The following RUBCNL variants were observed in gnomAD, a reference collection of about 807,000 sequenced individuals.
RUBCNL encodes rubicon like autophagy enhancer, also known as protein associated with UVRAG as autophagy enhancer.
RUBCNL carries 62 observed loss-of-function variants against 69.5 expected under a neutral mutation model. That is an observed-to-expected ratio of 0.89 (90% confidence interval 0.73 to 1.10). The LOEUF (loss-of-function observed/expected upper bound fraction) is 1.10, where lower values mean the gene tolerates loss of function less well. RUBCNL is among the 50% of genes least tolerant of loss of function. The probability of loss-of-function intolerance (pLI) is 0.00; values close to 1 mark genes in which losing one functional copy is unlikely to be tolerated. For missense variants in RUBCNL, 768 were observed against 798.1 expected (o/e 0.96, Z 0.45); for synonymous variants, 291 against 303.6 (o/e 0.96, Z 0.43).
At chr13:46,378,163 T>C (rs930136668) in intron 1 of RUBCNL, among the ~76,000 whole-genome samples, 158 bp from the exon 2 acceptor site, 1 of 152,198 alleles carries the variant, frequency 6.6e-6, no homozygotes, top group African/African-American at 2.4e-5. Context: ...TTGGTAGCAC[T>C]GGGGTAACAG....
At chr13:46,371,808 A>G in intron 3 of RUBCNL, 133 bp downstream of exon 3, 4 of 881,464 alleles carry the variant, frequency 4.5e-6, no homozygotes, top group Non-Finnish European at 6.9e-6. Context: ...GACCGCCCAG[A>G]TGGCTGGGCT....
chr13:46,359,438 C>CA (rs1566074221), intron 9 of RUBCNL, 48 bp downstream of exon 9: 1 of 1,552,084 alleles, frequency 6.4e-7, no homozygotes, highest in Admixed American at 1.8e-5. Flanking sequence ...GGATCTGTCA[C>CA]AATGTGATTT....
chr13:46,336,513 C>T lies in RUBCNL; in HGVS notation c.*6872G>A, dbSNP rs1008872528. ...AATCCCACTATACAGAGATAATCACCACCACAATATGATGAAATTCATTAT... is the reference window on the plus strand; with the variant it reads ...AATCCCACTATACAGAGATAATCACTACCACAATATGATGAAATTCATTAT... On this transcript the variant is annotated 3_prime_UTR_variant, in exon 15 of 15. Transcript: ENST00000429979. 6.6e-6 allele frequency among the ~76,000 whole-genome samples: 1 copy of T among 151,986 alleles called. No individual in the cohort carries two copies. Among genetic ancestry groups the T allele is most frequent in the African/African-American group, 2.4e-5 (1 of 41,360 alleles).
chr13:46,334,742 T>C lies in RUBCNL; in HGVS notation c.*8643A>G, dbSNP rs2048092906. The stretch of plus-strand genomic sequence containing the variant: ...GTGATAGACAAGATGCTAAACATAC[T>C]TTTCATAACTTATATCATTTAATCT... On this transcript the variant is annotated 3_prime_UTR_variant, in exon 15 of 15. Transcript: ENST00000429979. 6.6e-6 allele frequency among the ~76,000 whole-genome samples: 1 copy of C among 152,176 alleles called. No homozygotes were observed. Among genetic ancestry groups the C allele is most frequent in the Non-Finnish European group, 1.5e-5 (1 of 68,038 alleles).
At position 46,338,555 on chromosome 13, in the gene RUBCNL, C is replaced by T. The variant is rs940403108; in HGVS notation, c.*4830G>A. 6.6e-6 allele frequency among the ~76,000 whole-genome samples: 1 copy of T among 152,124 alleles called. No individual in the cohort carries two copies. Among genetic ancestry groups the T allele is most frequent in the African/African-American group, 2.4e-5 (1 of 41,430 alleles). On this transcript the variant is annotated 3_prime_UTR_variant, in exon 15 of 15. Coordinates refer to ENST00000429979, the MANE Select transcript of RUBCNL (RefSeq NM_025113.5). Reference sequence around the variant, plus strand: ...AGGAGGGGTGGGGGCTTTGGGTGCGCTTGCCCTTTGTCTCCTCACCAATGG... The same window carrying T: ...AGGAGGGGTGGGGGCTTTGGGTGCGTTTGCCCTTTGTCTCCTCACCAATGG...
rs201057946 is a variant in RUBCNL, at chr13:46,350,144, T to C, written c.1538A>G (p.Tyr513Cys). The C allele has an allele frequency of 1.4e-4, 227 of 1,577,176 alleles. No homozygotes were observed. Among genetic ancestry groups the C allele is most frequent in the Non-Finnish European group, 1.8e-4 (211 of 1,160,702 alleles). The change falls in exon 11 of 15, where the codon TAT becomes TGT. Residue 513 changes from tyrosine (Y) to cysteine (C), a missense_variant. Physicochemically the swap from Tyr to Cys is radical, Grantham distance 194. Coordinates refer to ENST00000429979, the MANE Select transcript of RUBCNL (RefSeq NM_025113.5). Reference protein sequence around the residue: ...FNLLSIGQSLYAKAKELDRVK... With the variant: ...FNLLSIGQSLCAKAKELDRVK... ...TCTGTCCAGCTCCTTGGCTTTCGCATACAGGCTTTGGCCGATGCTCAGCAA... is the reference window on the plus strand; with the variant it reads ...TCTGTCCAGCTCCTTGGCTTTCGCACACAGGCTTTGGCCGATGCTCAGCAA...
At chr13:46,373,841 AT>A (rs2048932111) in intron 2 of RUBCNL, among the ~76,000 whole-genome samples, 1 of 152,232 alleles carries the variant, frequency 6.6e-6, no homozygotes, top group Non-Finnish European at 1.5e-5. Context: ...AGCAAATCTT[AT>A]TGCCTATTTG....
At chr13:46,348,262 T>C (rs2048292281) in intron 12 of RUBCNL, among the ~76,000 whole-genome samples, 1 of 152,158 alleles carries the variant, frequency 6.6e-6, no homozygotes. Flanking sequence ...TGCATGGTGG[T>C]GATGATTGCA....
At chr13:46,347,374 G>A (rs1259554809) in intron 12 of RUBCNL, among the ~76,000 whole-genome samples, 1 of 152,044 alleles carries the variant, frequency 6.6e-6, no homozygotes, top group Non-Finnish European at 1.5e-5. Flanking sequence ...ACCACTGCAC[G>A]CCAAACTGGG....
intron 2 of RUBCNL, among the ~76,000 whole-genome samples, chr13:46,376,681 C>T (rs1320698009): frequency 6.6e-6 from 1 of 152,202 alleles, no homozygotes; most frequent in Non-Finnish European, 1.5e-5. Context: ...GCTCATCACC[C>T]CAAGCCCCAC....
rs1297581618 is a variant in RUBCNL, at chr13:46,372,333, C to G, written c.143G>C (p.Arg48Thr). The change falls in exon 3 of 15, where the codon AGG becomes ACG. Residue 48 changes from arginine to threonine, a missense_variant. Coordinates refer to ENST00000429979, the MANE Select transcript of RUBCNL (RefSeq NM_025113.5). ...PPCQLDIRLM[R>T]HKAVWINPQD... ...GGGGTTAATCCAGACAGCTTTGTGC[C>G]TCATGAGCCTGATGTCTAATTGGCA... 1 of 1,613,982 alleles carries G rather than the reference C, an allele frequency of 6.2e-7. No individual in the cohort carries two copies. Among genetic ancestry groups the G allele is most frequent in the Non-Finnish European group, 8.5e-7 (1 of 1,179,900 alleles).
At chr13:46,368,846 G>A (rs1189734419) in intron 3 of RUBCNL, 31 bp from the exon 4 acceptor site, 4 of 1,522,062 alleles carry the variant, frequency 2.6e-6, no homozygotes, top group East Asian at 2.3e-5. Flanking sequence ...TAAAAATGGG[G>A]AAAAGGGAGT....
intron 12 of RUBCNL, 82 bp from the exon 13 acceptor site, chr13:46,345,682 G>A: frequency 2.2e-6 from 3 of 1,377,492 alleles, no homozygotes; most frequent in Admixed American, 2.5e-5. Context: ...GTTTTCTCTT[G>A]GCACTCACAC....
At chr13:46,388,038 C>T (rs185728070), upstream of RUBCNL, among the ~76,000 whole-genome samples, 14 of 152,024 alleles carry the variant, frequency 9.2e-5, no homozygotes, top group East Asian at 2.5e-3. Context: ...ATGGTGAAAG[C>T]CTGTCTCTAC....
rs1262910450 is a variant in RUBCNL at position 46,338,891 on chromosome 13, A to G, written c.*4494T>C. ...GAAACCCCGTCTCTACCAAAAACAG[A>G]AAAAAATTAGCTGGGCATGGTGGCA... is the stretch of plus-strand genomic sequence containing the variant. On this transcript the variant is annotated 3_prime_UTR_variant, in exon 15 of 15. Transcript: ENST00000429979. 6.6e-6 allele frequency among the ~76,000 whole-genome samples: 1 copy of G among 151,940 alleles called. No individual in the cohort carries two copies. Among genetic ancestry groups the G allele is most frequent in the East Asian group, 1.9e-4 (1 of 5,166 alleles).
intron 14 of RUBCNL, among the ~76,000 whole-genome samples, chr13:46,344,193 A>G (rs1471309255): frequency 6.6e-6 from 1 of 152,178 alleles, no homozygotes; most frequent in Admixed American, 6.5e-5. Context: ...GTGGCCTGAG[A>G]GGAGGATATG....
intron 1 of RUBCNL, among the ~76,000 whole-genome samples, chr13:46,386,153 T>G (rs145583082): frequency 1.3e-5 from 2 of 152,200 alleles, no homozygotes; most frequent in East Asian, 3.9e-4. Context: ...TTCAAAACAC[T>G]TCCCTCCCTC....
At chr13:46,388,304 A>AGG (rs1354113705), upstream of RUBCNL, among the ~76,000 whole-genome samples, 3 of 144,302 alleles carry the variant, frequency 2.1e-5, no homozygotes, top group African/African-American at 7.9e-5. Flanking sequence ...GGAGGGAGGG[A>AGG]AGAAGGAAGG....
chr13:46,335,257 GTTGTTT>G lies in RUBCNL; in HGVS notation c.*8122_*8127del, dbSNP rs2048097515. Among the ~76,000 whole-genome samples the G allele has an allele frequency of 2.0e-5, 2 of 98,606 alleles. No individual in the cohort carries two copies. The highest frequency in any genetic ancestry group is 5.3e-4 in the East Asian group (1 of 1,886). The allele number at this position is 98,606 out of a possible 152,430, so 64.7% of individuals were successfully genotyped here. ...TTTGTGTCTTTTTGTTGTTGTTGTTGTTGTTTTTTTTTTTTTTTTTTTTTTTTTAAG... is the reference window on the plus strand; with the variant it reads ...TTTGTGTCTTTTTGTTGTTGTTGTTGTTTTTTTTTTTTTTTTTTTTTTAAG... On this transcript the variant is annotated 3_prime_UTR_variant, in exon 15 of 15. Coordinates refer to ENST00000429979, the MANE Select transcript of RUBCNL (RefSeq NM_025113.5).
Sources: allele counts gnomAD v4.1 joint callset (sites outside exome capture counted in the v4.1 genomes callset), GRCh38; gene constraint gnomAD v4.1.1; transcripts MANE v1.5; gene names NCBI Gene and HGNC (gene_info 2026-07-23, HGNC 2026-07-21).